RBFOX1: variants seen among roughly 807,000 people sequenced by gnomAD.
RBFOX1 encodes the protein RNA binding fox-1 homolog 1.
In RBFOX1, 8 loss-of-function variants were observed where a neutral mutation model predicts 57.7. The observed-to-expected ratio is 0.14, with a 90% CI of 0.08 to 0.25. RBFOX1 has a LOEUF of 0.25. RBFOX1 is among the 10% of genes least tolerant of loss of function. The pLI is 1.00. For missense variants in RBFOX1, 611 were observed against 548.5 expected (o/e 1.11, Z -1.14); for synonymous variants, 326 against 222.4 (o/e 1.47, Z -4.15).
intron 3 of RBFOX1, among the ~76,000 whole-genome samples, chr16:6,671,696 G>A (rs866468820): frequency 7.9e-5 from 12 of 152,268 alleles, no homozygotes; most frequent in Admixed American, 2.0e-4. Context: ...CTCCCACTTA[G>A]GAGTGAGGAC....
intron 4 of RBFOX1, among the ~76,000 whole-genome samples, chr16:7,084,925 T>G (rs1055859894): frequency 1.2e-4 from 18 of 152,174 alleles, no homozygotes; most frequent in Admixed American, 9.2e-4. Context: ...CATCCATCCA[T>G]TTGTCCATCC....
At position 7,226,060 on chromosome 16, in the gene RBFOX1, C is replaced by T. The variant is rs181045620; in HGVS notation, c.27+173962C>T. ...CGTCCACTTTATTTCATGTCATATT[C>T]TCTCCAAATAGTGGCAAGATGCTCA... is the stretch of plus-strand genomic sequence containing the variant. On this transcript the variant is annotated intron_variant, in intron 4 of 15. Transcript: ENST00000550418. 3.6e-4 allele frequency among the ~76,000 whole-genome samples: 55 copies of T among 152,074 alleles called. No individual in the cohort carries two copies. The East Asian group carries it at 9.1e-3, about 25-fold the overall frequency.
chr16:7,185,468 C>G (rs375237495), intron 4 of RBFOX1, among the ~76,000 whole-genome samples: 2 of 152,168 alleles, frequency 1.3e-5, no homozygotes, highest in East Asian at 3.9e-4. Flanking sequence ...TTAGAGCTAT[C>G]TGGGTCTAGT....
chr16:5,460,898 G>A (rs1318277190), intron 1 of RBFOX1, among the ~76,000 whole-genome samples: 2 of 152,174 alleles, frequency 1.3e-5, no homozygotes, highest in Non-Finnish European at 2.9e-5. Context: ...GCGTAGTAGC[G>A]ATTACACATA....
chr16:7,667,480 C>T (rs1029597336), intron 13 of RBFOX1, among the ~76,000 whole-genome samples: 1 of 152,082 alleles, frequency 6.6e-6, no homozygotes, highest in African/African-American at 2.4e-5. Flanking sequence ...TGGAAATATC[C>T]CCAAGCTTCG....
chr16:6,177,935 A>AAAG (rs997797279), intron 1 of RBFOX1, among the ~76,000 whole-genome samples: 1 of 151,764 alleles, frequency 6.6e-6, no homozygotes, highest in African/African-American at 2.4e-5. Context: ...AAAAAAAAAA[A>AAAG]AAGAGCCTTT....
intron 5 of RBFOX1, among the ~76,000 whole-genome samples, chr16:7,530,722 A>G (rs1253150082): frequency 1.3e-5 from 2 of 152,130 alleles, no homozygotes; most frequent in Non-Finnish European, 2.9e-5. Context: ...ATAGCATTTG[A>G]TGTAGAGCTA....
chr16:6,813,238 C>T (rs892081781), intron 3 of RBFOX1, among the ~76,000 whole-genome samples: 6 of 152,120 alleles, frequency 3.9e-5, no homozygotes, highest in Non-Finnish European at 5.9e-5. Context: ...TACACTTCTC[C>T]GGTTCCCCAG....
rs551012473 is a variant in RBFOX1 at position 5,649,110 on chromosome 16, T to C, written c.318+50149T>C. Among the ~76,000 whole-genome samples, 40 of 151,962 alleles carry C rather than the reference T, an allele frequency of 2.6e-4. No individual in the cohort carries two copies. In the South Asian group the frequency reaches 7.1e-3, roughly 27 times the overall value. ...GTTTAAAGATACATAAAAGCGATTATATATATATACACACATATATACATA... is the reference window on the plus strand; with the variant it reads ...GTTTAAAGATACATAAAAGCGATTACATATATATACACACATATATACATA... On this transcript the variant is annotated intron_variant, in intron 3 of 19. Transcript: ENST00000641259.
intron 2 of RBFOX1, among the ~76,000 whole-genome samples, chr16:5,592,480 G>A (rs567777242): frequency 5.3e-5 from 8 of 151,018 alleles, no homozygotes; most frequent in African/African-American, 1.2e-4. Context: ...GCAGTGGCAC[G>A]ATTTCGGCTC....
chr16:6,582,474 T>TC (rs1555574130), intron 2 of RBFOX1, among the ~76,000 whole-genome samples: 4 of 150,308 alleles, frequency 2.7e-5, no homozygotes, highest in East Asian at 1.9e-4. Context: ...TTTTTTTTTT[T>TC]CAATTTTTAG....
chr16:5,893,128 A>G (rs1181167062), intron 4 of RBFOX1, among the ~76,000 whole-genome samples: 1 of 152,202 alleles, frequency 6.6e-6, no homozygotes, highest in East Asian at 1.9e-4. Flanking sequence ...CTCACATTAT[A>G]TCACATTTCC....
At chr16:6,685,189 A>G (rs1273743445) in intron 3 of RBFOX1, among the ~76,000 whole-genome samples, 6 of 152,116 alleles carry the variant, frequency 3.9e-5, no homozygotes, top group Non-Finnish European at 7.4e-5. Flanking sequence ...CTTACTAACC[A>G]AAAATAAAGA....
At chr16:5,918,091 T>C (rs1439511558) in intron 4 of RBFOX1, among the ~76,000 whole-genome samples, 2 of 152,188 alleles carry the variant, frequency 1.3e-5, no homozygotes, top group Non-Finnish European at 2.9e-5. Context: ...CCTGCAGTTC[T>C]CTTAACACAA....
At chr16:7,224,611 G>A (rs1387943415) in intron 4 of RBFOX1, among the ~76,000 whole-genome samples, 1 of 152,100 alleles carries the variant, frequency 6.6e-6, no homozygotes, top group Non-Finnish European at 1.5e-5. Context: ...AGTGGGGTGG[G>A]TTAGGGGGAG....
At chr16:7,406,922 C>T (rs1183365964) in intron 4 of RBFOX1, among the ~76,000 whole-genome samples, 1 of 152,190 alleles carries the variant, frequency 6.6e-6, no homozygotes, top group African/African-American at 2.4e-5. Context: ...GTCTCCAATG[C>T]TATCAGTGTA....
At chr16:7,096,682 A>C (rs1409361965) in intron 4 of RBFOX1, among the ~76,000 whole-genome samples, 2 of 152,146 alleles carry the variant, frequency 1.3e-5, no homozygotes, top group East Asian at 1.9e-4. Flanking sequence ...CTGTAATCCC[A>C]GCACTTTGGG....
At chr16:6,153,535 C>T (rs148505318) in intron 1 of RBFOX1, among the ~76,000 whole-genome samples, 146 of 151,954 alleles carry the variant, frequency 9.6e-4, no homozygotes, top group African/African-American at 3.4e-3. Context: ...GTCCATTGTA[C>T]GTTTTTTTTT....
At chr16:6,494,845 C>A (rs922954302) in intron 2 of RBFOX1, among the ~76,000 whole-genome samples, 2 of 152,152 alleles carry the variant, frequency 1.3e-5, no homozygotes, top group Non-Finnish European at 2.9e-5. Context: ...TACATAAACA[C>A]GGCACTAAAT....
Sources: gnomAD v4.1 joint callset for allele counts (sites outside exome capture counted in the v4.1 genomes callset) on GRCh38, gnomAD v4.1.1 for gene constraint, MANE v1.5 for transcripts, NCBI Gene and HGNC (gene_info 2026-07-23, HGNC 2026-07-21) for gene names.